The following PTGER4 variants were observed in gnomAD, a reference collection of about 807,000 sequenced individuals.
PTGER4 encodes the protein prostaglandin E2 receptor EP4 subtype.
PTGER4 carries 11 observed loss-of-function variants against 33.2 expected under a neutral mutation model. The observed-to-expected ratio is 0.33, with a 90% CI of 0.21 to 0.55. The LOEUF (loss-of-function observed/expected upper bound fraction) is 0.55. Among genes scored for constraint, PTGER4 ranks in the 20% least tolerant of loss-of-function variants. The probability of loss-of-function intolerance (pLI) is 0.92; values close to 1 mark genes in which losing one functional copy is unlikely to be tolerated. For missense variants in PTGER4, 481 were observed against 650.2 expected (o/e 0.74, Z 2.83); for synonymous variants, 275 against 281.5 (o/e 0.98, Z 0.23).
the PTGER4 span, among the ~76,000 whole-genome samples, chr5:40,746,451 T>A: frequency 1.3e-5 from 2 of 152,210 alleles, no homozygotes; most frequent in Non-Finnish European, 1.5e-5. Context: ...CATAATGTTA[T>A]AAGCAGAAAG....
the PTGER4 span, among the ~76,000 whole-genome samples, chr5:40,713,202 T>C: frequency 6.6e-6 from 1 of 152,156 alleles, no homozygotes; most frequent in South Asian, 2.1e-4. Context: ...AATACATGTA[T>C]CATGAAATCA....
intron 2 of PTGER4, among the ~76,000 whole-genome samples, chr5:40,686,437 G>A (rs1228873077): frequency 6.6e-6 from 1 of 152,124 alleles, no homozygotes; most frequent in East Asian, 1.9e-4. Context: ...TTCCACACTG[G>A]GCAAGCTTCC....
chr5:40,715,317 A>T, the PTGER4 span: 1 of 152,256 alleles, frequency 6.6e-6, no homozygotes, highest in Non-Finnish European at 1.5e-5. Flanking sequence ...AAGAAAAGAA[A>T]GTATTGGTTT....
In PTGER4 at chr5:40,691,824, G is replaced by T. The variant is rs751573921; in HGVS notation, c.913G>T (p.Glu305Ter). ...NQLYQPSLEREVSKNPDLQAI... is the reference protein window; with the variant it reads ...NQLYQPSLER ...GTTATATCAGCCAAGTTTGGAGCGA[G>T]AAGTCAGTAAAAATCCAGATTTGCA... Residue 305 changes from glutamate (E) to a stop codon, truncating the protein, a stop_gained, in exon 3 of 3, where the codon GAA (glutamate) becomes TAA (stop). Transcript: ENST00000302472. LOFTEE classifies it high-confidence loss of function. This position sits in a 1 kb window ranked among gnomAD's most constrained non-coding sequence, Gnocchi z 4.2. 6.2e-7 allele frequency: 1 copy of T among 1,614,212 alleles called. No homozygotes were observed. Among genetic ancestry groups the T allele is most frequent in the South Asian group, 1.1e-5 (1 of 91,084 alleles).
the PTGER4 span, among the ~76,000 whole-genome samples, chr5:40,699,276 T>G: frequency 1.3e-5 from 2 of 152,156 alleles, no homozygotes; most frequent in African/African-American, 4.8e-5. Context: ...TGGACTTTTT[T>G]GGATCCTGAT....
chr5:40,733,870 G>T, the PTGER4 span, among the ~76,000 whole-genome samples: 1 of 151,994 alleles, frequency 6.6e-6, no homozygotes, highest in East Asian at 1.9e-4. Context: ...TTTTTATTAG[G>T]CAGGTATGCA....
chr5:40,689,742 G>A (rs1741422834), intron 2 of PTGER4, among the ~76,000 whole-genome samples: 2 of 152,090 alleles, frequency 1.3e-5, no homozygotes, highest in Admixed American at 6.6e-5. Flanking sequence ...CTAGTTAAAT[G>A]GCTCCAGCTA....
the PTGER4 span, chr5:40,728,352 A>T: frequency 4.4e-6 from 7 of 1,594,218 alleles, no homozygotes; most frequent in Non-Finnish European, 6.0e-6. Flanking sequence ...CACCAGGATT[A>T]TCTCTCCTAA....
At chr5:40,733,017 T>G in the PTGER4 span, among the ~76,000 whole-genome samples, 2 of 152,002 alleles carry the variant, frequency 1.3e-5, no homozygotes, top group African/African-American at 4.8e-5. Context: ...AGCATGCTCT[T>G]AACACACAGG....
At chr5:40,690,645 G>A (rs151281082) in intron 2 of PTGER4, among the ~76,000 whole-genome samples, 12 of 152,316 alleles carry the variant, frequency 7.9e-5, no homozygotes, top group Non-Finnish European at 1.0e-4. Context: ...CCTGCTGTTG[G>A]TGTAAAACTT....
In PTGER4 at chr5:40,692,118, G is replaced by A. The variant is rs377370854; in HGVS notation, c.1207G>A (p.Asp403Asn). 5.0e-6 allele frequency: 8 copies of A among 1,614,120 alleles called. No homozygotes were observed. In the East Asian group the frequency reaches 6.7e-5, roughly 13 times the overall value. Residue 403 changes from aspartate to asparagine, a missense_variant, in exon 3 of 3, where the codon GAC becomes AAC. Around this residue, in one of 7 missense-constraint regions of PTGER4, gnomAD observed 172 missense variants for 199.2 expected, o/e 0.86. Transcript: ENST00000302472. ...QTLLPDLSLPDLSENGLGGRN... is the reference protein window; with the variant it reads ...QTLLPDLSLPNLSENGLGGRN... ...CCTCCTGCCAGACCTCTCACTGCCAGACCTCAGTGAAAATGGCCTTGGAGG... is the reference window on the plus strand; with the variant it reads ...CCTCCTGCCAGACCTCTCACTGCCAAACCTCAGTGAAAATGGCCTTGGAGG...
chr5:40,708,460 C>A, the PTGER4 span, among the ~76,000 whole-genome samples: 2 of 151,940 alleles, frequency 1.3e-5, no homozygotes, highest in Non-Finnish European at 2.9e-5. Flanking sequence ...TCGACACATA[C>A]ACCCTCCCAA....
chr5:40,687,039 T>C (rs904229268), intron 2 of PTGER4, among the ~76,000 whole-genome samples: 5 of 152,110 alleles, frequency 3.3e-5, no homozygotes, highest in Non-Finnish European at 5.9e-5. Flanking sequence ...TTTTTTGTTT[T>C]TGTTTTTGTT....
At chr5:40,714,934 A>G in the PTGER4 span, 2 of 152,146 alleles carry the variant, frequency 1.3e-5, no homozygotes, top group Non-Finnish European at 2.9e-5. Flanking sequence ...GTTCTATATT[A>G]TTGTACTACA....
At chr5:40,726,214 T>A in the PTGER4 span, among the ~76,000 whole-genome samples, 10 of 149,286 alleles carry the variant, frequency 6.7e-5, no homozygotes, top group South Asian at 6.3e-4. Flanking sequence ...CATACATATT[T>A]TATATATATA....
the PTGER4 span, among the ~76,000 whole-genome samples, chr5:40,732,343 T>G: frequency 6.6e-6 from 1 of 152,044 alleles, no homozygotes. Flanking sequence ...TTGTTCTCAC[T>G]TTATTGATGA....
downstream of PTGER4, among the ~76,000 whole-genome samples, chr5:40,697,244 AAG>A (rs1406362682): frequency 1.9e-5 from 1 of 53,820 alleles, no homozygotes; most frequent in Non-Finnish European, 4.3e-5. Flanking sequence ...GAAAGAAAGA[AAG>A]AAAGAAAGAA....
the PTGER4 span, among the ~76,000 whole-genome samples, chr5:40,742,224 G>A: frequency 2.0e-4 from 30 of 151,942 alleles, no homozygotes; most frequent in Admixed American, 4.6e-4. Flanking sequence ...TTTTGTATCC[G>A]TTATTGGATT....
chr5:40,702,594 A>G, the PTGER4 span, among the ~76,000 whole-genome samples: 1 of 152,252 alleles, frequency 6.6e-6, no homozygotes, highest in African/African-American at 2.4e-5. Context: ...TGATAGTATT[A>G]GACAGATCAT....
Sources: allele counts gnomAD v4.1 joint callset (sites outside exome capture counted in the v4.1 genomes callset), GRCh38; gene constraint gnomAD v4.1.1; regional missense constraint gnomAD v4.1.1; non-coding constraint Gnocchi (gnomAD v3.1); transcripts MANE v1.5; gene names NCBI Gene and HGNC (gene_info 2026-07-23, HGNC 2026-07-21).